SCN9A: variants seen among roughly 807,000 people sequenced by gnomAD.
SCN9A encodes the protein sodium voltage-gated channel alpha subunit 9, also known as sodium channel protein type 9 subunit alpha.
Under a neutral mutation model 187.0 loss-of-function variants are expected in SCN9A, and 131 were observed. The ratio of observed to expected loss-of-function variants is 0.70; its 90% CI spans 0.61 to 0.81. SCN9A has a LOEUF of 0.81. Among genes scored for constraint, SCN9A ranks in the 30% least tolerant of loss-of-function variants. The pLI is 0.00. For missense variants in SCN9A, 2,252 were observed against 2,396.6 expected, an observed-to-expected ratio of 0.94 and a Z score of 1.26; for synonymous variants, 809 against 808.6, an observed-to-expected ratio of 1.00 and a Z score of -0.01.
intron 1 of SCN9A, among the ~76,000 whole-genome samples, chr2:166,358,048 T>C (rs1015748080): frequency 6.8e-6 from 1 of 147,250 alleles, no homozygotes; most frequent in Admixed American, 6.7e-5. Flanking sequence ...ATTTATTTAT[T>C]TATTTATTTA....
intron 1 of SCN9A, among the ~76,000 whole-genome samples, chr2:166,314,531 A>C (rs1289334132): frequency 1.3e-5 from 2 of 152,236 alleles, no homozygotes; most frequent in Non-Finnish European, 2.9e-5. Flanking sequence ...AGCATTATTC[A>C]TACTAGCCAA....
Position 166,198,817 on chromosome 2 carries a change from G to C in SCN9A, c.5822C>G (p.Ser1941Ter). 1 of 1,613,110 alleles carries C rather than the reference G, an allele frequency of 6.2e-7. No individual in the cohort carries two copies. The change falls in exon 27 of 27, where the codon TCA (serine) becomes TGA (stop). Residue 1941 changes from serine to a stop codon, truncating the protein, a stop_gained. Transcript: ENST00000642356. LOFTEE classifies it high-confidence loss of function. ...AGTGGCATCTGTTTTTTCTGGACTT[G>C]AGTTCTCATTAACATTATCAAAAGC... ...DMAFDNVNEN[S>*]SPEKTDATSS...
At chr2:166,263,934 AG>A (rs1696622550) in intron 17 of SCN9A, among the ~76,000 whole-genome samples, 2 of 152,024 alleles carry the variant, frequency 1.3e-5, no homozygotes, top group African/African-American at 4.8e-5. Context: ...GGCCTTGCTC[AG>A]ACCTTGATTT....
intron 17 of SCN9A, among the ~76,000 whole-genome samples, chr2:166,257,361 A>C (rs1004959252): frequency 6.6e-6 from 1 of 151,712 alleles, no homozygotes; most frequent in Non-Finnish European, 1.5e-5. Context: ...TGACAAACAC[A>C]AAGTAAGCTA....
chr2:166,315,679 G>A (rs1699091623), intron 1 of SCN9A, among the ~76,000 whole-genome samples: 1 of 152,152 alleles, frequency 6.6e-6, no homozygotes. Context: ...ATCTGAGTTT[G>A]CTTGGAAGTT....
rs768527780 is a variant in SCN9A, at chr2:166,288,547, C to T, written c.1204G>A (p.Ala402Thr). 4.3e-6 allele frequency: 7 copies of T among 1,612,826 alleles called. No individual in the cohort carries two copies. In the Admixed American group the frequency reaches 1.2e-4, roughly 27 times the overall value. ...TGGTTCTGTTCTTCATATGCCATGG[C>T]AACCACAGCCAGGATCAAGTTTATT... ...YLINLILAVV[A>T]MAYEEQNQAN... The change falls in exon 10 of 27, where the codon GCC becomes ACC. Residue 402 changes from alanine (A) to threonine (T), a missense_variant. By Grantham distance (58) the Ala-to-Thr change is moderately conservative. This residue lies in a region of SCN9A where 1,013 missense variants were observed against 997.4 expected (regional missense o/e 1.02). Coordinates refer to ENST00000642356, the MANE Select transcript of SCN9A (RefSeq NM_001365536.1).
At chr2:166,227,582 G>C in intron 23 of SCN9A, 88 bp downstream of exon 23, 1 of 789,220 alleles carries the variant, frequency 1.3e-6, no homozygotes, top group Admixed American at 2.0e-5. Context: ...AGTCCCAAGG[G>C]CTTCATGAAG....
At chr2:166,353,431 T>A (rs1700086256) in intron 1 of SCN9A, among the ~76,000 whole-genome samples, 1 of 152,152 alleles carries the variant, frequency 6.6e-6, no homozygotes, top group Admixed American at 6.6e-5. Context: ...GAATAACCTG[T>A]CATGTCTTTG....
intron 13 of SCN9A, among the ~76,000 whole-genome samples, chr2:166,281,092 T>C (rs1697465013): frequency 1.3e-5 from 2 of 152,210 alleles, no homozygotes; most frequent in South Asian, 4.1e-4. Flanking sequence ...TTTCACACCA[T>C]TAGCCCATTT....
intron 5 of SCN9A, among the ~76,000 whole-genome samples, chr2:166,304,697 T>C (rs938565326): frequency 1.3e-5 from 2 of 151,952 alleles, no homozygotes; most frequent in Admixed American, 1.3e-4. Context: ...TTTCCATTCA[T>C]AAAAAAATCC....
At chr2:166,344,704 G>A (rs1020495768) in intron 1 of SCN9A, among the ~76,000 whole-genome samples, 1 of 152,120 alleles carries the variant, frequency 6.6e-6, no homozygotes, top group African/African-American at 2.4e-5. Context: ...TCCTTTTCAT[G>A]TCTCTTTTCT....
At chr2:166,311,874 A>T (rs1698974660) in intron 1 of SCN9A, 68 bp from the exon 2 acceptor site, 1 of 922,234 alleles carries the variant, frequency 1.1e-6, no homozygotes. Context: ...AAAAACTAAT[A>T]ATAACAACAT....
At chr2:166,278,757 C>T (rs1328456567) in intron 14 of SCN9A, among the ~76,000 whole-genome samples, 1 of 152,000 alleles carries the variant, frequency 6.6e-6, no homozygotes, top group African/African-American at 2.4e-5. Context: ...CATGTTGACT[C>T]ACTCTTTAAA....
rs1553486847 is a variant in SCN9A at position 166,272,893 on chromosome 2, G to A, written c.2875-18C>T. 1 of 1,196,974 alleles carries A rather than the reference G, an allele frequency of 8.4e-7. No individual in the cohort carries two copies. The highest frequency in any genetic ancestry group is 1.1e-6 in the Non-Finnish European group (1 of 886,314). 74.1% of individuals were successfully genotyped at this position (1,196,974 alleles called of 1,614,324 possible). The stretch of plus-strand genomic sequence containing the variant: ...TTTAGGACCTATATCAGGGTGGGGA[G>A]AGGGGGTAGAGAAATAGGGAGACAG... On this transcript the variant is annotated intron_variant, in intron 16 of 26. Transcript: ENST00000642356.
rs541356065 is a variant in SCN9A, at chr2:166,361,146, T to A, written c.-51+14551A>T. On this transcript the variant is annotated intron_variant, in intron 1 of 26. Transcript: ENST00000642356. ...TTTAAGGTTATTTTAGTGGAAAAAA[T>A]TAGACACTGAATTTTAATAACTTAG... Among the ~76,000 whole-genome samples, 544 of 151,716 alleles carry A rather than the reference T, an allele frequency of 3.6e-3. 5 individuals carry two copies. The highest frequency in any genetic ancestry group is 0.013 in the African/African-American group (521 of 41,280).
At chr2:166,291,852 G>T (rs1409609115) in intron 9 of SCN9A, among the ~76,000 whole-genome samples, 1 of 152,168 alleles carries the variant, frequency 6.6e-6, no homozygotes, top group African/African-American at 2.4e-5. Context: ...ATGGTGCTGG[G>T]GAAGCTGGCT....
In SCN9A at chr2:166,307,083, G is replaced by A; in HGVS notation, c.259-9C>T. On this transcript the variant is annotated splice_polypyrimidine_tract_variant and intron_variant, in intron 2 of 26. Transcript: ENST00000642356. ...TTCAATACTATGAAAGTCTGCAGGA[G>A]GAAAAAGAAAGGATGAAATTGAGAA... 1.3e-6 allele frequency: 2 copies of A among 1,483,164 alleles called. No homozygotes were observed. Among genetic ancestry groups the A allele is most frequent in the Non-Finnish European group, 1.9e-6 (2 of 1,066,672 alleles). 91.9% of individuals were successfully genotyped at this position (1,483,164 alleles called of 1,614,324 possible). A position where few individuals can be genotyped will look rare whatever the true frequency, so the allele number is the denominator to read the frequency against.
At position 166,199,004 on chromosome 2, in the gene SCN9A, G is replaced by A; in HGVS notation, c.5635C>T (p.Pro1879Ser). The change falls in exon 27 of 27, where the codon CCC becomes TCC. Residue 1879 changes from proline to serine, a missense_variant. By Grantham distance (74) the Pro-to-Ser change is moderately conservative (BLOSUM62 -1). Around this residue, in one of 7 missense-constraint regions of SCN9A, gnomAD observed 345 missense variants for 344.6 expected, o/e 1.00. Transcript: ENST00000642356. ...SANPSKVSYEPITTTLKRKQE... is the reference protein window; with the variant it reads ...SANPSKVSYESITTTLKRKQE... ...TTCCGTTTTAGTGTGGTTGTGATGG[G>A]TTCATAGGACACTTTGGAAGGATTT... is the stretch of plus-strand genomic sequence containing the variant. The A allele has an allele frequency of 1.2e-6, 2 of 1,614,004 alleles. No homozygotes were observed. Among genetic ancestry groups the A allele is most frequent in the Non-Finnish European group, 1.7e-6 (2 of 1,179,966 alleles).
At chr2:166,233,277 T>C in intron 21 of SCN9A, 63 bp downstream of exon 21, 1 of 1,212,732 alleles carries the variant, frequency 8.2e-7, no homozygotes, top group Non-Finnish European at 1.1e-6. Flanking sequence ...TACATACCCA[T>C]TGTTTTTATA....
Sources: allele counts gnomAD v4.1 joint callset (sites outside exome capture counted in the v4.1 genomes callset), GRCh38; gene constraint gnomAD v4.1.1; regional missense constraint gnomAD v4.1.1; transcripts MANE v1.5; gene names NCBI Gene and HGNC (gene_info 2026-07-23, HGNC 2026-07-21).